AHNAK: variants seen among roughly 807,000 people sequenced by gnomAD.
The protein encoded by AHNAK is neuroblast differentiation-associated protein AHNAK.
AHNAK carries 23 observed loss-of-function variants against 37.8 expected under a neutral mutation model. The ratio of observed to expected loss-of-function variants is 0.61; its 90% CI spans 0.44 to 0.86. The LOEUF is 0.86. Among genes scored for constraint, AHNAK ranks in the 40% least tolerant of loss-of-function variants. The pLI is 0.00. For missense variants in AHNAK, 7,411 were observed against 7,319.4 expected (o/e 1.01, Z -0.46); for synonymous variants, 2,481 against 2,636.3 (o/e 0.94, Z 1.80).
chr11:62,531,046 A>C lies in AHNAK; in HGVS notation c.3371T>G (p.Leu1124Arg). The change falls in exon 5 of 5, where the codon CTG (leucine) becomes CGG (arginine). Residue 1124 changes from leucine (L) to arginine (R), a missense_variant. Physicochemically the swap from Leu to Arg is moderately radical, Grantham distance 102. Transcript: ENST00000378024. Reference protein sequence around the residue: ...DVEGQGLDWSLKIPKMKMPKF... With the variant: ...DVEGQGLDWSRKIPKMKMPKF... Reference sequence around the variant, plus strand: ...GGGCATTTTCATCTTGGGTATTTTCAGGCTCCAGTCCAGGCCTTGGCCTTC... The same window carrying C: ...GGGCATTTTCATCTTGGGTATTTTCCGGCTCCAGTCCAGGCCTTGGCCTTC... 6.2e-7 allele frequency: 1 copy of C among 1,613,706 alleles called. No homozygotes were observed. Among genetic ancestry groups the C allele is most frequent in the South Asian group, 1.1e-5 (1 of 91,060 alleles).
chr11:62,473,029 G>C (rs1330700778), intron 5 of AHNAK, among the ~76,000 whole-genome samples: 3 of 136,650 alleles, frequency 2.2e-5, no homozygotes, highest in African/African-American at 8.5e-5. Context: ...AGGTTGCAGT[G>C]AGCCAAGTTC....
At chr11:62,480,427 C>T (rs1272736752) in intron 5 of AHNAK, among the ~76,000 whole-genome samples, 2 of 151,776 alleles carry the variant, frequency 1.3e-5, no homozygotes. Context: ...TTTGGGAGGC[C>T]GAGGTGGGTG....
At chr11:62,452,509 G>C (rs1346052891) in intron 5 of AHNAK, among the ~76,000 whole-genome samples, 1 of 152,216 alleles carries the variant, frequency 6.6e-6, no homozygotes. Flanking sequence ...GGACGGATGG[G>C]TGATTGGAGG....
chr11:62,519,244 G>A lies in AHNAK; in HGVS notation c.15173C>T (p.Pro5058Leu), dbSNP rs148778719. 2.2e-5 allele frequency: 36 copies of A among 1,613,942 alleles called. No individual in the cohort carries two copies. The highest frequency in any genetic ancestry group is 1.9e-4 in the African/African-American group (14 of 75,012). ...CCCTGCGATGTTGACATCTACATCC[G>A]GAGCCTTGAGGCTGGCATCAATTTC... is the stretch of plus-strand genomic sequence containing the variant. The part of the protein sequence containing the change: ...GGEIDASLKA[P>L]DVDVNIAGPD... Residue 5058 changes from proline (P) to leucine (L), a missense_variant, in exon 5 of 5, where the codon CCG becomes CTG. Pro to Leu is a moderately conservative substitution (Grantham distance 98). Transcript: ENST00000378024.
At chr11:62,436,871 G>A (rs529223937) in intron 5 of AHNAK, among the ~76,000 whole-genome samples, 4 of 151,988 alleles carry the variant, frequency 2.6e-5, no homozygotes, top group South Asian at 4.2e-4. Context: ...CCCAGGAGGC[G>A]GAGCTTGCAG....
chr11:62,463,607 T>C (rs1938838003), intron 5 of AHNAK, among the ~76,000 whole-genome samples: 1 of 152,138 alleles, frequency 6.6e-6, no homozygotes. Flanking sequence ...CATCCCACTG[T>C]GCGTGCTGTC....
chr11:62,454,022 T>C (rs1938596757), intron 5 of AHNAK, among the ~76,000 whole-genome samples: 1 of 150,780 alleles, frequency 6.6e-6, no homozygotes, highest in Non-Finnish European at 1.5e-5. Flanking sequence ...CAGGAGAATC[T>C]GTTGAACCCG....
exon 6 of AHNAK, chr11:62,433,643 C>G (rs936400578): frequency 3.4e-6 from 2 of 592,898 alleles, no homozygotes; most frequent in African/African-American, 3.7e-5. Context: ...AGCCCACACT[C>G]TGTCCCCTTG....
chr11:62,533,817 C>G lies in AHNAK; in HGVS notation c.600G>C (p.Gln200His). The G allele has an allele frequency of 6.2e-7, 1 of 1,614,186 alleles. No individual in the cohort carries two copies. The highest frequency in any genetic ancestry group is 8.5e-7 in the Non-Finnish European group (1 of 1,180,024). The change falls in exon 5 of 5, where the codon CAG becomes CAC. Residue 200 changes from glutamine to histidine, a missense_variant. Coordinates refer to ENST00000378024, the MANE Select transcript of AHNAK (RefSeq NM_001620.3). Reference sequence around the variant, plus strand: ...GCAGTCTGATCACGGTCTTCCCAGACTGGGTCTCCACATCCACATTGGAGA... The same window carrying G: ...GCAGTCTGATCACGGTCTTCCCAGAGTGGGTCTCCACATCCACATTGGAGA... ...TEISNVDVET[Q>H]SGKTVIRLPS... is the part of the protein sequence containing the mutation.
Position 62,535,899 on chromosome 11 carries a change from G to A in AHNAK, c.154+46C>T, listed in dbSNP as rs373224217. ...TGCCCTTCCCTCCAACACCCCCACC[G>A]ACCCCCCAACCACCAGCACCCAGTC... On this transcript the variant is annotated intron_variant, in intron 3 of 4. Coordinates refer to ENST00000378024, the MANE Select transcript of AHNAK (RefSeq NM_001620.3). 2.9e-5 allele frequency: 40 copies of A among 1,376,088 alleles called. No individual in the cohort carries two copies. The African/African-American group carries it at 3.5e-4, about 12-fold the overall frequency. 85.2% of individuals were successfully genotyped at this position (1,376,088 alleles called of 1,614,324 possible).
rs143560255 is a variant in AHNAK, at chr11:62,525,258, G to A, written c.9159C>T (p.Val3053=). The change falls in exon 5 of 5, where the codon GTC becomes GTT. Residue 3053 remains valine, a synonymous_variant. Transcript: ENST00000378024. ...CATCAATGTCCACCTTGGGTCCTGA[G>A]ACATCAAGGTCAGCCTTGGGCAGGT... ...DVNLPKADLD[V]SGPKVDIDVP... The A allele has an allele frequency of 4.3e-6, 7 of 1,611,984 alleles. No homozygotes were observed. Among genetic ancestry groups the A allele is most frequent in the Non-Finnish European group, 5.9e-6 (7 of 1,179,614 alleles).
rs1488532491 is a variant in AHNAK at position 62,529,886 on chromosome 11, G to A, written c.4531C>T (p.Pro1511Ser). 1 of 1,613,458 alleles carries A rather than the reference G, an allele frequency of 6.2e-7. No homozygotes were observed. The highest frequency in any genetic ancestry group is 1.3e-5 in the African/African-American group (1 of 74,656). ...CTGAACTTGGGCATTTTTACCTTGG[G>A]CATCTTCAGGTGCCAGTCTGGGCCA... ...VHGPDWHLKMPKVKMPKFSMP... is the reference protein window; with the variant it reads ...VHGPDWHLKMSKVKMPKFSMP... Residue 1511 changes from proline to serine, a missense_variant, in exon 5 of 5, where the codon CCC becomes TCC. Physicochemically the swap from Pro to Ser is moderately conservative, Grantham distance 74 (BLOSUM62 -1). Coordinates refer to ENST00000378024, the MANE Select transcript of AHNAK (RefSeq NM_001620.3).
At position 62,531,004 on chromosome 11, in the gene AHNAK, C is replaced by A; in HGVS notation, c.3413G>T (p.Ser1138Ile). ...CACTTCTGGGCCCTCGCCTTTGAGGCTGGGCATGCTGAACTTGGGCATTTT... is the reference window on the plus strand; with the variant it reads ...CACTTCTGGGCCCTCGCCTTTGAGGATGGGCATGCTGAACTTGGGCATTTT... ...KMKMPKFSMP[S>I]LKGEGPEVDV... The change falls in exon 5 of 5, where the codon AGC becomes ATC. Residue 1138 changes from serine to isoleucine, a missense_variant. By Grantham distance (142) the Ser-to-Ile change is moderately radical (BLOSUM62 -2). Transcript: ENST00000378024. 6.2e-7 allele frequency: 1 copy of A among 1,614,198 alleles called. No homozygotes were observed. The highest frequency in any genetic ancestry group is 8.5e-7 in the Non-Finnish European group (1 of 1,180,040).
chr11:62,544,498 C>T (rs1445902647), intron 1 of AHNAK, among the ~76,000 whole-genome samples: 1 of 152,134 alleles, frequency 6.6e-6, no homozygotes, highest in Non-Finnish European at 1.5e-5. Flanking sequence ...CACCCTCTAA[C>T]CCACATTCCC....
At chr11:62,537,067 C>T (rs1200777159) in intron 1 of AHNAK, among the ~76,000 whole-genome samples, 1 of 151,770 alleles carries the variant, frequency 6.6e-6, no homozygotes, top group Non-Finnish European at 1.5e-5. Flanking sequence ...CAGTCTCCTG[C>T]CTCAGCCTCC....
In AHNAK at chr11:62,522,098, C is replaced by A. The variant is rs1174027543; in HGVS notation, c.12319G>T (p.Gly4107Cys). The A allele has an allele frequency of 6.2e-7, 1 of 1,613,908 alleles. No individual in the cohort carries two copies. ...GGGCCCTTCAGTTTCCCTTCTGGACCATGAATATCAATATCAGGAGTGTCA... is the reference window on the plus strand; with the variant it reads ...GGGCCCTTCAGTTTCCCTTCTGGACAATGAATATCAATATCAGGAGTGTCA... ...DIDTPDIDIH[G>C]PEGKLKGPKF... The change falls in exon 5 of 5, where the codon GGT becomes TGT. Residue 4107 changes from glycine (G) to cysteine (C), a missense_variant. By Grantham distance (159) the Gly-to-Cys change is radical (BLOSUM62 -3). Coordinates refer to ENST00000378024, the MANE Select transcript of AHNAK (RefSeq NM_001620.3).
At chr11:62,510,291 G>T (rs534764107) in intron 4 of AHNAK, among the ~76,000 whole-genome samples, 13 of 151,662 alleles carry the variant, frequency 8.6e-5, no homozygotes, top group Non-Finnish European at 1.5e-4. Context: ...AGATCCACCC[G>T]CCTCAGCCTC....
chr11:62,488,565 A>ATTTT (rs57544040), intron 5 of AHNAK, among the ~76,000 whole-genome samples: 11,578 of 133,776 alleles, frequency 0.087, 1,138 homozygotes, highest in African/African-American at 0.24. Flanking sequence ...TGCCCAGCTA[A>ATTTT]TTTTTTTTTT....
rs1220855497 is a variant in AHNAK, at chr11:62,517,341, T to C, written c.17076A>G (p.Gln5692=). The part of the protein sequence containing the change: ...VHFPKAEASI[Q]AGAGDGEWEE... ...CCCACTCGCCGTCTCCAGCACCAGC[T>C]TGGATGCTGGCCTCTGCTTTAGGGA... is the stretch of plus-strand genomic sequence containing the variant. Residue 5692 remains glutamine, a synonymous_variant, in exon 5 of 5, where the codon CAA becomes CAG. Coordinates refer to ENST00000378024, the MANE Select transcript of AHNAK (RefSeq NM_001620.3). 1 of 1,614,222 alleles carries C rather than the reference T, an allele frequency of 6.2e-7. No individual in the cohort carries two copies. Among genetic ancestry groups the C allele is most frequent in the Admixed American group, 1.7e-5 (1 of 60,028 alleles).
Sources: gnomAD v4.1 joint callset for allele counts (sites outside exome capture counted in the v4.1 genomes callset) on GRCh38, gnomAD v4.1.1 for gene constraint, MANE v1.5 for transcripts, NCBI Gene and HGNC (gene_info 2026-07-23, HGNC 2026-07-21) for gene names.